Variants in CCDC117 observed in about 807,000 individuals in gnomAD.
CCDC117 encodes coiled-coil domain-containing protein 117.
CCDC117 carries 1 observed loss-of-function variant against 23.5 expected under a neutral mutation model. The observed-to-expected ratio is 0.04, with a 90% CI of 0.02 to 0.20. The LOEUF is 0.20. Among genes scored for constraint, CCDC117 ranks in the 10% least tolerant of loss-of-function variants. The pLI is 1.00. For synonymous variants in CCDC117, 132 were observed against 124.8 expected (o/e 1.06, Z -0.39); for missense variants, 383 against 348.2 (o/e 1.10, Z -0.80).
intron 3 of CCDC117, among the ~76,000 whole-genome samples, chr22:28,781,991 CAG>C (rs533690883): frequency 9.5e-4 from 140 of 147,818 alleles, no homozygotes; most frequent in African/African-American, 3.5e-3. Context: ...CTTTGTCACC[CAG>C]GTTGGAGTGC....
chr22:28,787,603 G>T lies in CCDC117; in HGVS notation c.*1277G>T, dbSNP rs1054705757. On this transcript the variant is annotated 3_prime_UTR_variant, in exon 5 of 5. Coordinates refer to ENST00000249064, the MANE Select transcript of CCDC117 (RefSeq NM_173510.4). ...GAGAATTGCTTCCTGCTAGCAGGAA[G>T]CCTTCATCTTCTTGAGTACCCAAAC... 1 of 152,550 alleles carries T rather than the reference G, an allele frequency of 6.6e-6. No individual in the cohort carries two copies. The highest frequency in any genetic ancestry group is 1.5e-5 in the Non-Finnish European group (1 of 67,982). 9.4% of individuals were successfully genotyped at this position (152,550 alleles called of 1,614,324 possible). A position where few individuals can be genotyped will look rare whatever the true frequency, so the allele number is the denominator to read the frequency against.
rs778528436 is a variant in CCDC117, at chr22:28,787,774, G to C, written c.*1448G>C. 6.6e-6 allele frequency: 1 copy of C among 152,220 alleles called. No individual in the cohort carries two copies. Among genetic ancestry groups the C allele is most frequent in the South Asian group, 2.1e-4 (1 of 4,820 alleles). 9.4% of individuals were successfully genotyped at this position (152,220 alleles called of 1,614,324 possible). On this transcript the variant is annotated 3_prime_UTR_variant, in exon 5 of 5. Transcript: ENST00000249064. ...GAGTATCCTCTATAAGTTATTAAAC[G>C]AGTGTAATGGTATAATGCCCTTCCA... is the stretch of plus-strand genomic sequence containing the variant.
In CCDC117 at chr22:28,786,248, G is replaced by A. The variant is rs554533204; in HGVS notation, c.762G>A (p.Ser254=). 29 of 1,614,096 alleles carry A rather than the reference G, an allele frequency of 1.8e-5. No homozygotes were observed. The highest frequency in any genetic ancestry group is 2.7e-5 in the African/African-American group (2 of 75,024). Residue 254 remains serine (S), a synonymous_variant, in exon 5 of 5, where the codon TCG becomes TCA. Coordinates refer to ENST00000249064, the MANE Select transcript of CCDC117 (RefSeq NM_173510.4). ...TAFPQRTELF[S]EPRPTGMSLY... ...TCCCTCAGAGAACTGAACTGTTTTCGGAACCTCGGCCAACAGGGATGTCTC... is the reference window on the plus strand; with the variant it reads ...TCCCTCAGAGAACTGAACTGTTTTCAGAACCTCGGCCAACAGGGATGTCTC...
Position 28,786,903 on chromosome 22 carries a change from T to C in CCDC117, c.*577T>C, listed in dbSNP as rs2031529816. On this transcript the variant is annotated 3_prime_UTR_variant, in exon 5 of 5. Transcript: ENST00000249064. The stretch of plus-strand genomic sequence containing the variant: ...TCTGTTGATTAAATAGCCGATAGTA[T>C]TGTGGCTCTCCTCTTTGACTATGAA... The C allele has an allele frequency of 1.3e-5, 2 of 152,676 alleles. No homozygotes were observed. Among genetic ancestry groups the C allele is most frequent in the African/African-American group, 2.4e-5 (1 of 41,454 alleles). The allele number at this position is 152,676 out of a possible 1,614,324, so 9.5% of individuals were successfully genotyped here. A position where few individuals can be genotyped will look rare whatever the true frequency, so the allele number is the denominator to read the frequency against.
At chr22:28,781,904 A>C (rs192789007) in intron 3 of CCDC117, among the ~76,000 whole-genome samples, 1,875 of 151,136 alleles carry the variant, frequency 0.012, 47 homozygotes, top group African/African-American at 0.043. Context: ...CGGCCTCCCA[A>C]AGTGCTGGGA....
At chr22:28,777,632 C>T (rs998180842) in intron 2 of CCDC117, among the ~76,000 whole-genome samples, 3 of 151,510 alleles carry the variant, frequency 2.0e-5, no homozygotes, top group Non-Finnish European at 4.4e-5. Context: ...GCCTCAGCCT[C>T]GCGAGTTGCT....
At chr22:28,785,649 G>C (rs541805816) in intron 4 of CCDC117, among the ~76,000 whole-genome samples, 4 of 152,252 alleles carry the variant, frequency 2.6e-5, no homozygotes, top group Admixed American at 1.3e-4. Context: ...CAAGGGCTCT[G>C]CGTTTTCATA....
intron 2 of CCDC117, among the ~76,000 whole-genome samples, chr22:28,776,157 C>G (rs1375810644): frequency 6.6e-6 from 1 of 152,036 alleles, no homozygotes; most frequent in Non-Finnish European, 1.5e-5. Context: ...GCCTGTAATC[C>G]CAGCACTTGG....
intron 3 of CCDC117, 150 bp downstream of exon 3, chr22:28,781,322 G>A: frequency 3.8e-6 from 1 of 262,208 alleles, no homozygotes; most frequent in Non-Finnish European, 8.2e-6. Flanking sequence ...ATTCGTTTTT[G>A]TTTTTTTGTT....
chr22:28,774,844 C>G (rs2031117217), intron 2 of CCDC117, among the ~76,000 whole-genome samples: 1 of 152,110 alleles, frequency 6.6e-6, no homozygotes, highest in Non-Finnish European at 1.5e-5. Context: ...AGTGCAGTGG[C>G]TGTGTTTTTA....
chr22:28,786,311 A>G lies in CCDC117; in HGVS notation c.825A>G (p.Glu275=), dbSNP rs2031508754. ...TGGAGACAGCTACTAGCACAGAAGA[A>G]GAGATGGAACTCTAGAAACCAATTT... The part of the protein sequence containing the change: ...NSLETATSTE[E]EMEL The change falls in exon 5 of 5, where the codon GAA becomes GAG. Residue 275 remains glutamate, a synonymous_variant. Coordinates refer to ENST00000249064, the MANE Select transcript of CCDC117 (RefSeq NM_173510.4). 3 of 1,612,504 alleles carry G rather than the reference A, an allele frequency of 1.9e-6. No homozygotes were observed. Among genetic ancestry groups the G allele is most frequent in the Non-Finnish European group, 2.5e-6 (3 of 1,179,286 alleles).
intron 3 of CCDC117, among the ~76,000 whole-genome samples, chr22:28,782,461 CAG>C (rs992692083): frequency 4.6e-5 from 7 of 151,550 alleles, no homozygotes; most frequent in East Asian, 1.9e-4. Flanking sequence ...TTTTTGGAGA[CAG>C]AGTCTCGCTC....
chr22:28,775,849 A>G (rs1470613132), intron 2 of CCDC117, among the ~76,000 whole-genome samples: 3 of 152,178 alleles, frequency 2.0e-5, no homozygotes, highest in Non-Finnish European at 4.4e-5. Flanking sequence ...GTGAGCCGAG[A>G]TCGTCCTACC....
chr22:28,776,438 T>C (rs1454984793), intron 2 of CCDC117, among the ~76,000 whole-genome samples: 1 of 151,986 alleles, frequency 6.6e-6, no homozygotes, highest in Non-Finnish European at 1.5e-5. Flanking sequence ...CTTTTTTTTT[T>C]TTTCCCTGGA....
chr22:28,784,798 T>C (rs2031459930), intron 4 of CCDC117, among the ~76,000 whole-genome samples: 1 of 152,022 alleles, frequency 6.6e-6, no homozygotes, highest in South Asian at 2.1e-4. Context: ...TGAGATGGAG[T>C]CTCGCTCTGT....
At chr22:28,776,757 C>T (rs866375790) in intron 2 of CCDC117, among the ~76,000 whole-genome samples, 1 of 151,926 alleles carries the variant, frequency 6.6e-6, no homozygotes, top group Non-Finnish European at 1.5e-5. Flanking sequence ...GCTAATTTTG[C>T]ATTTTTAGTA....
intron 3 of CCDC117, 26 bp downstream of exon 3, chr22:28,781,198 T>G: frequency 7.1e-7 from 1 of 1,418,204 alleles, no homozygotes; most frequent in South Asian, 1.2e-5. Flanking sequence ...ATATAGCTGG[T>G]TTTTTGCTGT....
intron 3 of CCDC117, 137 bp from the exon 4 acceptor site, chr22:28,783,371 T>G: frequency 1.3e-6 from 1 of 752,452 alleles, no homozygotes; most frequent in Non-Finnish European, 2.1e-6. Flanking sequence ...AGGTATAGCC[T>G]CATTTTTTGC....
At chr22:28,775,600 A>G (rs970517139) in intron 2 of CCDC117, among the ~76,000 whole-genome samples, 1 of 151,948 alleles carries the variant, frequency 6.6e-6, no homozygotes, top group Non-Finnish European at 1.5e-5. Context: ...TAAACAGTCT[A>G]ATAGAAAAAG....
Sources: gnomAD v4.1 joint callset for allele counts (sites outside exome capture counted in the v4.1 genomes callset) on GRCh38, gnomAD v4.1.1 for gene constraint, MANE v1.5 for transcripts, NCBI Gene and HGNC (gene_info 2026-07-23, HGNC 2026-07-21) for gene names.